The following ARRB1 variants were observed in gnomAD, a reference collection of about 807,000 sequenced individuals.
The protein encoded by ARRB1 is beta-arrestin-1.
Under a neutral mutation model 56.8 loss-of-function variants are expected in ARRB1, and 21 were observed. The ratio of observed to expected loss-of-function variants is 0.37; its 90% confidence interval spans 0.26 to 0.53. ARRB1 has a LOEUF of 0.53. Among genes scored for constraint, ARRB1 ranks in the 20% least tolerant of loss-of-function variants. ARRB1 has a pLI of 0.88. For synonymous variants in ARRB1, 210 were observed against 218.6 expected (o/e 0.96, Z 0.35); for missense variants, 424 against 553.7 (o/e 0.77, Z 2.35).
chr11:75,345,594 C>T (rs1947754742), intron 1 of ARRB1, among the ~76,000 whole-genome samples: 1 of 152,118 alleles, frequency 6.6e-6, no homozygotes, highest in South Asian at 2.1e-4. Flanking sequence ...AGCCTCCAGT[C>T]TGAGGAGGGA....
At chr11:75,338,724 AACG>A (rs1236775146) in intron 1 of ARRB1, among the ~76,000 whole-genome samples, 15 of 152,220 alleles carry the variant, frequency 9.9e-5, no homozygotes, top group African/African-American at 3.6e-4. Context: ...CGCAGGGAGA[AACG>A]ACAACGCATA....
At chr11:75,298,206 C>A (rs950792718) in intron 1 of ARRB1, among the ~76,000 whole-genome samples, 1 of 147,490 alleles carries the variant, frequency 6.8e-6, no homozygotes, top group Non-Finnish European at 1.5e-5. Flanking sequence ...CAAACCTGCA[C>A]GTTGTGCACA....
chr11:75,306,509 A>G (rs1028503084), intron 1 of ARRB1: 1 of 962,808 alleles, frequency 1.0e-6, no homozygotes, highest in Non-Finnish European at 1.4e-6. Context: ...TCCCAGAAAG[A>G]GAGGAAAAGC....
At chr11:75,266,995 C>T (rs1173339910) in intron 15 of ARRB1, among the ~76,000 whole-genome samples, 1 of 152,144 alleles carries the variant, frequency 6.6e-6, no homozygotes. Flanking sequence ...CATTTAGGAC[C>T]ATGCAGGTGT....
chr11:75,333,167 G>A (rs67965584), intron 1 of ARRB1, among the ~76,000 whole-genome samples: 10,484 of 152,214 alleles, frequency 0.069, 467 homozygotes, highest in Middle Eastern at 0.11. Flanking sequence ...ACTCAACAAC[G>A]CTCACCAAAT....
chr11:75,287,753 G>A (rs1035265259), intron 2 of ARRB1, among the ~76,000 whole-genome samples: 4 of 152,210 alleles, frequency 2.6e-5, no homozygotes, highest in African/African-American at 7.2e-5. Flanking sequence ...AGGCGGGAGC[G>A]CTGAGCCCTC....
chr11:75,293,900 C>T (rs1474969249), intron 1 of ARRB1, among the ~76,000 whole-genome samples: 2 of 152,196 alleles, frequency 1.3e-5, no homozygotes, highest in Non-Finnish European at 2.9e-5. Context: ...GCACTGCTTT[C>T]TGGGCGGCTG....
chr11:75,339,386 T>C (rs1947661632), intron 1 of ARRB1, among the ~76,000 whole-genome samples: 2 of 152,226 alleles, frequency 1.3e-5, no homozygotes, highest in Admixed American at 6.5e-5. Flanking sequence ...CTTTCACTTT[T>C]CACCCTAGTT....
Position 75,267,623 on chromosome 11 carries a change from C to A in ARRB1, c.1145+29G>T, listed in dbSNP as rs374607452. 12 of 1,557,336 alleles carry A rather than the reference C, an allele frequency of 7.7e-6. No homozygotes were observed. In the East Asian group the frequency reaches 3.0e-4, roughly 38 times the overall value. On this transcript the variant is annotated intron_variant, in intron 15 of 15. Coordinates refer to ENST00000420843, the MANE Select transcript of ARRB1 (RefSeq NM_004041.5). ...ACCCCGCCCACCCGCGGCCCACCCC[C>A]GGATGTCTGCAGGCAGGGTTCAGCT...
intron 1 of ARRB1, among the ~76,000 whole-genome samples, chr11:75,299,033 G>A (rs941167929): frequency 2.0e-5 from 3 of 151,940 alleles, no homozygotes; most frequent in Non-Finnish European, 4.4e-5. Context: ...AATTGATAGA[G>A]ACAGAAGGTA....
chr11:75,340,428 C>A (rs1947676863), intron 1 of ARRB1, among the ~76,000 whole-genome samples: 1 of 152,254 alleles, frequency 6.6e-6, no homozygotes, highest in Non-Finnish European at 1.5e-5. Flanking sequence ...CAATGCAGCA[C>A]CTCCTCCAAG....
intron 1 of ARRB1, among the ~76,000 whole-genome samples, chr11:75,313,654 T>C (rs772371687): frequency 1.1e-4 from 16 of 152,222 alleles, no homozygotes; most frequent in Non-Finnish European, 1.9e-4. Flanking sequence ...TGGGATTGGC[T>C]GGCTGAGTGT....
rs887825592 is a variant in ARRB1 at position 75,290,456 on chromosome 11, G to A, written c.21-417C>T. Reference sequence around the variant, plus strand: ...GGCTGGTCCTCAAGCACACCAGGGCGATTCCCACCTCGGGGACAGTTCTCT... The same window carrying A: ...GGCTGGTCCTCAAGCACACCAGGGCAATTCCCACCTCGGGGACAGTTCTCT... On this transcript the variant is annotated intron_variant, in intron 1 of 15. Transcript: ENST00000420843. 9.9e-5 allele frequency among the ~76,000 whole-genome samples: 15 copies of A among 152,062 alleles called. No individual in the cohort carries two copies. In the South Asian group the frequency reaches 1.2e-3, roughly 13 times the overall value.
intron 1 of ARRB1, among the ~76,000 whole-genome samples, chr11:75,349,798 T>A (rs566437678): frequency 1.2e-4 from 19 of 152,300 alleles, no homozygotes; most frequent in Non-Finnish European, 1.9e-4. Context: ...GGACTAGCCA[T>A]CAAGGTTCAT....
At chr11:75,302,694 C>A (rs1290652836) in intron 1 of ARRB1, among the ~76,000 whole-genome samples, 1 of 152,166 alleles carries the variant, frequency 6.6e-6, no homozygotes, top group African/African-American at 2.4e-5. Context: ...GGGATAATAT[C>A]CACCCCATAG....
intron 1 of ARRB1, among the ~76,000 whole-genome samples, chr11:75,310,688 G>A (rs539911193): frequency 7.9e-5 from 12 of 152,260 alleles, no homozygotes; most frequent in Non-Finnish European, 1.6e-4. Context: ...CAGCCCCTGT[G>A]CTGTCTGATT....
At chr11:75,326,201 G>A (rs184656719) in intron 1 of ARRB1, among the ~76,000 whole-genome samples, 1 of 152,210 alleles carries the variant, frequency 6.6e-6, no homozygotes, top group African/African-American at 2.4e-5. Flanking sequence ...CTGGGAGGAG[G>A]AGGGTGCTGC....
chr11:75,293,214 C>G (rs1015810322), intron 1 of ARRB1, among the ~76,000 whole-genome samples: 3 of 152,112 alleles, frequency 2.0e-5, no homozygotes, highest in African/African-American at 7.2e-5. Context: ...CCACCACATT[C>G]CCCAAGAGCA....
chr11:75,266,358 C>G (rs1459261934), intron 15 of ARRB1, 84 bp from the exon 16 acceptor site: 1 of 1,131,898 alleles, frequency 8.8e-7, no homozygotes, highest in Non-Finnish European at 1.3e-6. Context: ...AGATGTGACT[C>G]AGAGTATGGC....
Sources: gnomAD v4.1 joint callset for allele counts (sites outside exome capture counted in the v4.1 genomes callset) on GRCh38, gnomAD v4.1.1 for gene constraint, MANE v1.5 for transcripts, NCBI Gene and HGNC (gene_info 2026-07-23, HGNC 2026-07-21) for gene names.